The following FAM151B variants were observed in gnomAD, a reference collection of about 807,000 sequenced individuals.
FAM151B encodes protein FAM151B.
FAM151B carries 24 observed loss-of-function variants against 31.2 expected under a neutral mutation model. The ratio of observed to expected loss-of-function variants is 0.77; its 90% CI spans 0.56 to 1.08. FAM151B has a LOEUF of 1.08. Ranked by LOEUF, FAM151B falls within the 50% of genes least tolerant of loss-of-function variation. The probability of loss-of-function intolerance (pLI) is 0.00; values close to 1 mark genes in which losing one functional copy is unlikely to be tolerated. For synonymous variants in FAM151B, 105 were observed against 111.4 expected, an observed-to-expected ratio of 0.94 and a Z score of 0.36; for missense variants, 293 against 328.6, an observed-to-expected ratio of 0.89 and a Z score of 0.84.
chr5:80,507,820 CT>C (rs1744028715), intron 2 of FAM151B, among the ~76,000 whole-genome samples: 1 of 152,196 alleles, frequency 6.6e-6, no homozygotes, highest in African/African-American at 2.4e-5. Flanking sequence ...TTTCACATTC[CT>C]AGAAATTCCC....
chr5:80,491,908 A>G (rs533762028), intron 1 of FAM151B, among the ~76,000 whole-genome samples: 16 of 152,218 alleles, frequency 1.1e-4, no homozygotes, highest in Non-Finnish European at 2.2e-4. Flanking sequence ...CTTAGTGGTC[A>G]GCAAACTTTT....
chr5:80,503,998 A>G (rs1031939574), intron 2 of FAM151B, among the ~76,000 whole-genome samples: 1 of 152,122 alleles, frequency 6.6e-6, no homozygotes, highest in African/African-American at 2.4e-5. Context: ...CAGCTTCTGT[A>G]TCTTCTGTGT....
At chr5:80,540,668 AAT>A (rs1380684456) in intron 5 of FAM151B, among the ~76,000 whole-genome samples, 2 of 152,332 alleles carry the variant, frequency 1.3e-5, no homozygotes, top group East Asian at 3.9e-4. Flanking sequence ...CAGATAAAGT[AAT>A]AGAGATTCCA....
At chr5:80,525,429 C>T (rs1428337736) in intron 5 of FAM151B, among the ~76,000 whole-genome samples, 1 of 152,176 alleles carries the variant, frequency 6.6e-6, no homozygotes, top group Non-Finnish European at 1.5e-5. Context: ...ACCCTTGAAC[C>T]ATGGCGAAGT....
At chr5:80,533,024 A>C (rs776126891) in intron 5 of FAM151B, among the ~76,000 whole-genome samples, 4 of 152,240 alleles carry the variant, frequency 2.6e-5, no homozygotes, top group Non-Finnish European at 5.9e-5. Context: ...GCTTATAGCT[A>C]TAAGTGCCTA....
chr5:80,518,924 C>G (rs762979991), intron 3 of FAM151B: 1 of 152,082 alleles, frequency 6.6e-6, no homozygotes, highest in Non-Finnish European at 1.5e-5. Context: ...ATGATATTCA[C>G]TACAAGGTAA....
At chr5:80,504,514 C>CTTTTTTT (rs11340979) in intron 2 of FAM151B, among the ~76,000 whole-genome samples, 10 of 58,744 alleles carry the variant, frequency 1.7e-4, no homozygotes, top group Admixed American at 2.7e-4. Flanking sequence ...GACTATTACT[C>CTTTTTTT]TTTTTTTTTT....
intron 5 of FAM151B, among the ~76,000 whole-genome samples, chr5:80,534,723 C>G (rs1745412061): frequency 1.3e-5 from 2 of 152,218 alleles, no homozygotes; most frequent in South Asian, 4.1e-4. Flanking sequence ...ACTTTCACCA[C>G]TGTTATTTAA....
intron 5 of FAM151B, among the ~76,000 whole-genome samples, chr5:80,530,812 C>G (rs1745205783): frequency 6.6e-6 from 1 of 152,122 alleles, no homozygotes; most frequent in Non-Finnish European, 1.5e-5. Flanking sequence ...CCATACTGCC[C>G]AAGGTAATTT....
intron 5 of FAM151B, among the ~76,000 whole-genome samples, chr5:80,529,925 A>T (rs973735244): frequency 6.6e-6 from 1 of 152,218 alleles, no homozygotes; most frequent in Non-Finnish European, 1.5e-5. Flanking sequence ...CCTGGCAAAG[A>T]CACAACAAAA....
chr5:80,528,362 T>C (rs2112658133), intron 5 of FAM151B, among the ~76,000 whole-genome samples: 1 of 152,168 alleles, frequency 6.6e-6, no homozygotes, highest in South Asian at 2.1e-4. Flanking sequence ...AAGTCCTTAC[T>C]TATCAATAAT....
chr5:80,511,349 T>C (rs1014178316), intron 2 of FAM151B, among the ~76,000 whole-genome samples: 5 of 149,132 alleles, frequency 3.4e-5, no homozygotes, highest in African/African-American at 1.2e-4. Context: ...TGGTGCATGC[T>C]TGTAGTCCTG....
chr5:80,502,016 A>T (rs1743768772), intron 2 of FAM151B, 99 bp downstream of exon 2: 1 of 840,986 alleles, frequency 1.2e-6, no homozygotes, highest in African/African-American at 1.8e-5. Flanking sequence ...GAGACAGGTG[A>T]TCCAAGTGTA....
chr5:80,492,412 G>T (rs1296996079), intron 1 of FAM151B, among the ~76,000 whole-genome samples: 1 of 152,114 alleles, frequency 6.6e-6, no homozygotes, highest in East Asian at 1.9e-4. Flanking sequence ...CTGTAAATGT[G>T]GTGTGTGAGC....
intron 3 of FAM151B, among the ~76,000 whole-genome samples, chr5:80,515,437 C>T (rs1744393619): frequency 6.6e-6 from 1 of 152,104 alleles, no homozygotes; most frequent in South Asian, 2.1e-4. Flanking sequence ...TTCTCTATAT[C>T]ATGAAATAAA....
intron 4 of FAM151B, 70 bp downstream of exon 4, chr5:80,519,980 A>C (rs942327605): frequency 1.4e-6 from 2 of 1,420,484 alleles, no homozygotes; most frequent in Admixed American, 3.9e-5. Context: ...AACATCTTTA[A>C]TACAAAGACC....
intron 2 of FAM151B, among the ~76,000 whole-genome samples, chr5:80,505,457 C>T (rs192326077): frequency 0.012 from 1,756 of 150,846 alleles, 32 homozygotes; most frequent in African/African-American, 0.039. Flanking sequence ...TGCAGTGGCA[C>T]GATCTCGGCT....
chr5:80,499,234 T>A (rs902292980), intron 1 of FAM151B, among the ~76,000 whole-genome samples: 2 of 152,196 alleles, frequency 1.3e-5, no homozygotes, highest in Middle Eastern at 3.2e-3. Flanking sequence ...ATGGAATAGA[T>A]CTGGGTTCAG....
chr5:80,531,166 G>GGAAAACTGGCTAGCCATATGTA (rs1745227230), intron 5 of FAM151B, among the ~76,000 whole-genome samples: 1 of 152,122 alleles, frequency 6.6e-6, no homozygotes, highest in Non-Finnish European at 1.5e-5. Context: ...AATGGTGCTG[G>GGAAAACTGGCTAGCCATATGTA]GAAAACTGGC....
Sources: gnomAD v4.1 joint callset for allele counts (sites outside exome capture counted in the v4.1 genomes callset) on GRCh38, gnomAD v4.1.1 for gene constraint, MANE v1.5 for transcripts, NCBI Gene and HGNC (gene_info 2026-07-23, HGNC 2026-07-21) for gene names.